Variants in SNTG1 observed in about 807,000 individuals in gnomAD.
SNTG1 encodes gamma-1-syntrophin.
SNTG1 carries 39 observed loss-of-function variants against 74.7 expected under a neutral mutation model. The ratio of observed to expected loss-of-function variants is 0.52; its 90% CI spans 0.40 to 0.68. The LOEUF (loss-of-function observed/expected upper bound fraction) is 0.68, where lower values mean the gene tolerates loss of function less well. SNTG1 is among the 30% of genes least tolerant of loss of function. The pLI is 0.00. For missense variants in SNTG1, 685 were observed against 609.5 expected, an observed-to-expected ratio of 1.12 and a Z score of -1.30; for synonymous variants, 254 against 217.1, an observed-to-expected ratio of 1.17 and a Z score of -1.49.
At chr8:50,243,521 G>A (rs1029438040) in intron 2 of SNTG1, among the ~76,000 whole-genome samples, 2 of 152,040 alleles carry the variant, frequency 1.3e-5, no homozygotes, top group African/African-American at 4.8e-5. Flanking sequence ...TCTGTTTGCT[G>A]CATCAAGCAA....
At chr8:50,700,751 C>A (rs184432393) in intron 15 of SNTG1, among the ~76,000 whole-genome samples, 1 of 152,300 alleles carries the variant, frequency 6.6e-6, no homozygotes, top group African/African-American at 2.4e-5. Context: ...ACCTCTATAG[C>A]ACTGTCATAT....
At chr8:50,436,744 C>T (rs966480389) in intron 4 of SNTG1, among the ~76,000 whole-genome samples, 5 of 151,954 alleles carry the variant, frequency 3.3e-5, no homozygotes, top group East Asian at 1.9e-4. Context: ...ATTAATTATT[C>T]GACAGATTGC....
intron 2 of SNTG1, among the ~76,000 whole-genome samples, chr8:50,225,047 T>C (rs1424605677): frequency 6.6e-6 from 1 of 152,114 alleles, no homozygotes; most frequent in Non-Finnish European, 1.5e-5. Flanking sequence ...CTCCACTCAC[T>C]GCAAGCTCTG....
chr8:50,652,260 T>C (rs1362428089), intron 13 of SNTG1, among the ~76,000 whole-genome samples: 2 of 152,174 alleles, frequency 1.3e-5, no homozygotes, highest in Non-Finnish European at 2.9e-5. Flanking sequence ...GTGTAATCAC[T>C]TCTTGTCATT....
chr8:50,692,756 A>T (rs897590669), intron 15 of SNTG1, among the ~76,000 whole-genome samples: 2 of 152,142 alleles, frequency 1.3e-5, no homozygotes, highest in African/African-American at 4.8e-5. Flanking sequence ...ATTCTGGGAG[A>T]ACAACTACTC....
chr8:50,237,839 C>T (rs894877878), intron 2 of SNTG1, among the ~76,000 whole-genome samples: 2 of 152,026 alleles, frequency 1.3e-5, no homozygotes, highest in Non-Finnish European at 2.9e-5. Context: ...AAGGGTTATA[C>T]ATTACTTGTC....
intron 1 of SNTG1, among the ~76,000 whole-genome samples, chr8:49,986,718 CAAAA>C (rs10659343): frequency 7.2e-6 from 1 of 138,174 alleles, no homozygotes; most frequent in African/African-American, 2.6e-5. Context: ...ACAAAAAGTA[CAAAA>C]AAAAAAAAAA....
In SNTG1 at chr8:50,691,353, T is replaced by C. The variant is rs543726284; in HGVS notation, c.1039-13247T>C. On this transcript the variant is annotated intron_variant, in intron 15 of 18. Transcript: ENST00000642720. ...AGTTTCTTCCTAGCCTTGATGGTCTTTACAATTTGGCATATTTTTGCAGTG... is the reference window on the plus strand; with the variant it reads ...AGTTTCTTCCTAGCCTTGATGGTCTCTACAATTTGGCATATTTTTGCAGTG... Among the ~76,000 whole-genome samples, 13 of 152,322 alleles carry C rather than the reference T, an allele frequency of 8.5e-5. No homozygotes were observed. The South Asian group carries it at 1.7e-3, about 19-fold the overall frequency.
At chr8:50,303,044 A>G (rs950449413) in intron 2 of SNTG1, among the ~76,000 whole-genome samples, 5 of 152,210 alleles carry the variant, frequency 3.3e-5, no homozygotes, top group Admixed American at 6.5e-5. Flanking sequence ...AAAATGTCTT[A>G]AAATTTCTCA....
intron 1 of SNTG1, among the ~76,000 whole-genome samples, chr8:49,912,842 A>C (rs921139850): frequency 3.9e-5 from 6 of 152,228 alleles, no homozygotes; most frequent in African/African-American, 1.4e-4. Context: ...CTGATCTGCC[A>C]GAAAGCAGAA....
chr8:50,391,892 C>T (rs2092667043), intron 2 of SNTG1, among the ~76,000 whole-genome samples: 2 of 152,098 alleles, frequency 1.3e-5, no homozygotes, highest in Non-Finnish European at 2.9e-5. Context: ...AAAAGAACAT[C>T]AGAATAATCC....
chr8:50,738,139 T>G (rs191457724), intron 17 of SNTG1, among the ~76,000 whole-genome samples: 1 of 152,128 alleles, frequency 6.6e-6, no homozygotes, highest in Non-Finnish European at 1.5e-5. Flanking sequence ...GCAGATGACA[T>G]GATTATATGT....
chr8:50,414,967 G>A (rs1192623736), intron 4 of SNTG1, among the ~76,000 whole-genome samples: 4 of 152,192 alleles, frequency 2.6e-5, no homozygotes, highest in Non-Finnish European at 5.9e-5. Context: ...GTGACCACTA[G>A]AGGTGAACAA....
At chr8:50,152,108 T>A (rs1461245520) in intron 1 of SNTG1, among the ~76,000 whole-genome samples, 1 of 152,208 alleles carries the variant, frequency 6.6e-6, no homozygotes, top group African/African-American at 2.4e-5. Context: ...ATTGGGTGCA[T>A]ATATATTTAA....
In SNTG1 at chr8:49,991,595, GAATAAGAATAAGA is replaced by G. The variant is rs573330924; in HGVS notation, c.-103+79380_-103+79392del. Among the ~76,000 whole-genome samples, 36 of 152,164 alleles carry G rather than the reference GAATAAGAATAAGA, an allele frequency of 2.4e-4. No individual in the cohort carries two copies. In the East Asian group the frequency reaches 6.0e-3, roughly 25 times the overall value. On this transcript the variant is annotated intron_variant, in intron 1 of 18. Coordinates refer to ENST00000642720, the MANE Select transcript of SNTG1 (RefSeq NM_018967.5). ...ATCTCTATAATGGAAGAATATTTGA[GAATAAGAATAAGA>G]AATAAGAATAAGAAAAAGAAAGAAG...
At chr8:50,024,663 C>T (rs1228161392) in intron 1 of SNTG1, among the ~76,000 whole-genome samples, 1 of 152,066 alleles carries the variant, frequency 6.6e-6, no homozygotes, top group Non-Finnish European at 1.5e-5. Flanking sequence ...AAATTAGGCA[C>T]AGTCAGAGAT....
chr8:50,759,786 C>A (rs1057419926), intron 18 of SNTG1, among the ~76,000 whole-genome samples: 3 of 152,034 alleles, frequency 2.0e-5, no homozygotes, highest in Non-Finnish European at 4.4e-5. Context: ...CATGATGCCT[C>A]CAGCTTTGTT....
chr8:50,031,825 G>C (rs887952745), intron 1 of SNTG1, among the ~76,000 whole-genome samples: 57 of 151,976 alleles, frequency 3.8e-4, no homozygotes, highest in Non-Finnish European at 7.7e-4. Flanking sequence ...AGTAATACTG[G>C]CTGTATACAA....
At chr8:50,300,189 T>G (rs925687162) in intron 2 of SNTG1, among the ~76,000 whole-genome samples, 1 of 152,154 alleles carries the variant, frequency 6.6e-6, no homozygotes, top group East Asian at 1.9e-4. Flanking sequence ...CCTAATGCAC[T>G]TATCTTTTCG....
Sources: gnomAD v4.1 joint callset for allele counts (sites outside exome capture counted in the v4.1 genomes callset) on GRCh38, gnomAD v4.1.1 for gene constraint, MANE v1.5 for transcripts, NCBI Gene and HGNC (gene_info 2026-07-23, HGNC 2026-07-21) for gene names.